Variants in DLGAP1 observed in about 807,000 individuals in gnomAD.
DLGAP1 encodes disks large-associated protein 1.
DLGAP1 carries 11 observed loss-of-function variants against 90.8 expected under a neutral mutation model. That is an observed-to-expected ratio of 0.12 (90% CI 0.08 to 0.20). The LOEUF (loss-of-function observed/expected upper bound fraction) is 0.20, where lower values mean the gene tolerates loss of function less well. DLGAP1 is among the 10% of genes least tolerant of loss of function. DLGAP1 has a pLI of 1.00. For synonymous variants in DLGAP1, 558 were observed against 540.7 expected (o/e 1.03, Z -0.44); for missense variants, 1,050 against 1,333.8 (o/e 0.79, Z 3.31).
intron 1 of DLGAP1, among the ~76,000 whole-genome samples, chr18:4,225,139 T>A (rs2078159167): frequency 6.6e-6 from 1 of 152,146 alleles, no homozygotes; most frequent in South Asian, 2.1e-4. Context: ...GAAGGTAGCA[T>A]TTAAACCAGC....
intron 3 of DLGAP1, among the ~76,000 whole-genome samples, chr18:3,970,665 T>A (rs1318246928): frequency 2.0e-5 from 3 of 152,194 alleles, no homozygotes; most frequent in African/African-American, 7.2e-5. Context: ...TAATACAGTT[T>A]CACTCTTAGT....
intron 1 of DLGAP1, among the ~76,000 whole-genome samples, chr18:4,191,561 A>G (rs147568791): frequency 3.7e-4 from 56 of 152,128 alleles, no homozygotes; most frequent in African/African-American, 1.3e-3. Flanking sequence ...TTTCTAGTCC[A>G]TTCTCTCCAG....
chr18:4,207,575 T>G (rs2077748445), intron 1 of DLGAP1, among the ~76,000 whole-genome samples: 1 of 152,226 alleles, frequency 6.6e-6, no homozygotes, highest in East Asian at 1.9e-4. Context: ...CCACCTGCGG[T>G]GTGGCTCAGC....
At position 3,644,401 on chromosome 18, in the gene DLGAP1, T is replaced by TTTTATTTATTTA. The variant is rs376019924; in HGVS notation, c.1592-62165_1592-62154dup. Among the ~76,000 whole-genome samples the TTTTATTTATTTA allele has an allele frequency of 6.4e-3, 966 of 150,776 alleles. 4 individuals are homozygous for TTTTATTTATTTA. The highest frequency in any genetic ancestry group is 0.021 in the East Asian group (106 of 5,124). ...ATTATATGTTTACAATACTATTTTA[T>TTTTATTTATTTA]TTTATTTATTTATTTATTTATTTAT... On this transcript the variant is annotated intron_variant, in intron 7 of 12. Coordinates refer to ENST00000315677, the MANE Select transcript of DLGAP1 (RefSeq NM_004746.4).
At chr18:3,591,215 A>T (rs2056223984) in intron 7 of DLGAP1, among the ~76,000 whole-genome samples, 1 of 152,194 alleles carries the variant, frequency 6.6e-6, no homozygotes, top group South Asian at 2.1e-4. Context: ...TTGAAGCCAC[A>T]GGCTATTTTA....
At chr18:3,955,504 G>A (rs946370366) in intron 3 of DLGAP1, among the ~76,000 whole-genome samples, 4 of 152,000 alleles carry the variant, frequency 2.6e-5, no homozygotes, top group African/African-American at 9.7e-5. Flanking sequence ...CTGAGGTCAG[G>A]AGTTCGAGGC....
At chr18:3,891,625 A>G (rs563898106) in intron 3 of DLGAP1, among the ~76,000 whole-genome samples, 3 of 152,322 alleles carry the variant, frequency 2.0e-5, no homozygotes, top group South Asian at 2.1e-4. Context: ...AGGAATCATA[A>G]CTATATACCA....
chr18:4,003,058 C>T (rs1050211092), intron 3 of DLGAP1, among the ~76,000 whole-genome samples: 3 of 152,194 alleles, frequency 2.0e-5, no homozygotes, highest in African/African-American at 7.2e-5. Context: ...TCCTTCCTTT[C>T]CTCCCCTAAG....
At chr18:3,720,888 C>CAAAAAAAAAAAAAAAAAAAAACAAA (rs1186426563) in intron 7 of DLGAP1, among the ~76,000 whole-genome samples, 1 of 50,312 alleles carries the variant, frequency 2.0e-5, no homozygotes, top group Non-Finnish European at 3.6e-5. Context: ...CTTGTCTCTA[C>CAAAAAAAAAAAAAAAAAAAAACAAA]AAAAAAAAAA....
intron 1 of DLGAP1, among the ~76,000 whole-genome samples, chr18:4,170,374 T>C (rs940324453): frequency 6.6e-6 from 1 of 152,134 alleles, no homozygotes; most frequent in Admixed American, 6.5e-5. Context: ...AGTTTTAAAA[T>C]GTCTATTAGA....
At chr18:4,000,060 C>T (rs2074150656) in intron 3 of DLGAP1, among the ~76,000 whole-genome samples, 1 of 152,152 alleles carries the variant, frequency 6.6e-6, no homozygotes, top group Non-Finnish European at 1.5e-5. Context: ...AGCAGTCCTC[C>T]CACCTCGGCC....
chr18:4,158,379 T>C (rs2076790888), intron 1 of DLGAP1, among the ~76,000 whole-genome samples: 1 of 152,166 alleles, frequency 6.6e-6, no homozygotes, highest in Admixed American at 6.5e-5. Context: ...CATTATCACC[T>C]TTAATGGCCC....
chr18:4,308,142 A>G (rs1338925312), intron 1 of DLGAP1, among the ~76,000 whole-genome samples: 1 of 152,230 alleles, frequency 6.6e-6, no homozygotes, highest in Admixed American at 6.5e-5. Flanking sequence ...TGAGGCTTAT[A>G]GGGACTAAGT....
intron 1 of DLGAP1, among the ~76,000 whole-genome samples, chr18:4,450,491 C>A (rs993391753): frequency 6.6e-6 from 1 of 152,152 alleles, no homozygotes; most frequent in Non-Finnish European, 1.5e-5. Context: ...CCACAAGCCG[C>A]CTGAGGGAGC....
At chr18:4,348,386 G>GGATGAACT (rs2081339285) in intron 1 of DLGAP1, among the ~76,000 whole-genome samples, 2 of 146,984 alleles carry the variant, frequency 1.4e-5, no homozygotes, top group South Asian at 4.4e-4. Flanking sequence ...AGGTGCCTCA[G>GGATGAACT]GATGAACTCA....
intron 7 of DLGAP1, among the ~76,000 whole-genome samples, chr18:3,696,180 C>T (rs557173528): frequency 1.3e-4 from 20 of 152,284 alleles, no homozygotes; most frequent in South Asian, 4.1e-4. Flanking sequence ...TATTTGAATA[C>T]GCTTTATTTC....
intron 1 of DLGAP1, among the ~76,000 whole-genome samples, chr18:4,441,211 T>G (rs1598426945): frequency 6.6e-6 from 1 of 152,184 alleles, no homozygotes; most frequent in African/African-American, 2.4e-5. Flanking sequence ...TGCTTTCAAA[T>G]AGATTACTCA....
At chr18:3,510,958 T>C (rs1456392722) in intron 10 of DLGAP1, among the ~76,000 whole-genome samples, 1 of 152,250 alleles carries the variant, frequency 6.6e-6, no homozygotes, top group Non-Finnish European at 1.5e-5. Flanking sequence ...GGGATATCTT[T>C]CTTCATTCAG....
chr18:3,634,519 T>C (rs920203482), intron 7 of DLGAP1, among the ~76,000 whole-genome samples: 1 of 152,228 alleles, frequency 6.6e-6, no homozygotes. Flanking sequence ...TTTCAATTTC[T>C]TATTTATGTG....
Sources: gnomAD v4.1 joint callset for allele counts (sites outside exome capture counted in the v4.1 genomes callset) on GRCh38, gnomAD v4.1.1 for gene constraint, MANE v1.5 for transcripts, NCBI Gene and HGNC (gene_info 2026-07-23, HGNC 2026-07-21) for gene names.